The following DTHD1 variants were observed in gnomAD, a reference collection of about 807,000 sequenced individuals.
DTHD1 encodes the protein death domain containing 1.
A neutral mutation model predicts 74.8 loss-of-function variants in DTHD1; 59 were observed. That is an observed-to-expected ratio of 0.79 (90% CI 0.64 to 0.98). DTHD1 has a LOEUF of 0.98. Among genes scored for constraint, DTHD1 ranks in the 50% least tolerant of loss-of-function variants. DTHD1 has a pLI of 0.00. For missense variants in DTHD1, 1,051 were observed against 1,065.4 expected (o/e 0.99, Z 0.19); for synonymous variants, 365 against 371.1 (o/e 0.98, Z 0.19).
intron 8 of DTHD1, among the ~76,000 whole-genome samples, chr4:36,328,758 C>T (rs1176610753): frequency 6.6e-6 from 1 of 152,222 alleles, no homozygotes; most frequent in Non-Finnish European, 1.5e-5. Flanking sequence ...ACTATTGCTA[C>T]ACCCAATAAA....
intron 6 of DTHD1, 26 bp downstream of exon 6, chr4:36,306,378 T>G (rs1476591566): frequency 1.3e-6 from 2 of 1,514,340 alleles, no homozygotes; most frequent in African/African-American, 1.4e-5. Flanking sequence ...ACAATCAAAG[T>G]TGATGATACT....
chr4:36,292,774 C>T (rs1173816449), intron 3 of DTHD1, among the ~76,000 whole-genome samples: 1 of 152,208 alleles, frequency 6.6e-6, no homozygotes, highest in Non-Finnish European at 1.5e-5. Flanking sequence ...AGCCCGGCTG[C>T]TGATTGGGGA....
At chr4:36,315,075 C>A (rs943751046) in intron 7 of DTHD1, among the ~76,000 whole-genome samples, 1 of 152,140 alleles carries the variant, frequency 6.6e-6, no homozygotes, top group Non-Finnish European at 1.5e-5. Context: ...ATCTATACAT[C>A]CAAGACATAT....
chr4:36,308,128 T>G, intron 6 of DTHD1, 76 bp from the exon 7 acceptor site: 1 of 1,342,046 alleles, frequency 7.5e-7, no homozygotes, highest in Non-Finnish European at 1.0e-6. Context: ...GACTCTTTTC[T>G]TGGGTGTTAT....
chr4:36,288,666 G>A (rs991581062), intron 2 of DTHD1, among the ~76,000 whole-genome samples: 1 of 152,142 alleles, frequency 6.6e-6, no homozygotes, highest in Non-Finnish European at 1.5e-5. Context: ...ACTGGTCTAT[G>A]TGTCTATTTG....
At chr4:36,309,279 T>G (rs1757241443) in intron 7 of DTHD1, among the ~76,000 whole-genome samples, 1 of 152,004 alleles carries the variant, frequency 6.6e-6, no homozygotes, top group African/African-American at 2.4e-5. Context: ...CTATTCAAAA[T>G]ACACACAACA....
At chr4:36,297,842 G>T (rs1012014931) in intron 5 of DTHD1, among the ~76,000 whole-genome samples, 1 of 152,092 alleles carries the variant, frequency 6.6e-6, no homozygotes, top group African/African-American at 2.4e-5. Flanking sequence ...TGAAGAAAGA[G>T]AATTCTTGCT....
At position 36,308,304 on chromosome 4, in the gene DTHD1, G is replaced by C. The variant is rs1757175669; in HGVS notation, c.1906G>C (p.Val636Leu). The C allele has an allele frequency of 6.4e-7, 1 of 1,552,050 alleles. No homozygotes were observed. Among genetic ancestry groups the C allele is most frequent in the Admixed American group, 2.0e-5 (1 of 51,006 alleles). The change falls in exon 7 of 10, where the codon GTA (valine) becomes CTA (leucine). Residue 636 changes from valine (V) to leucine (L), a missense_variant. By Grantham distance (32) the Val-to-Leu change is conservative (BLOSUM62 1). Coordinates refer to ENST00000639862, the MANE Select transcript of DTHD1 (RefSeq NM_001170700.3). Reference sequence around the variant, plus strand: ...CATGCTCAGCACCACTGCCTGCATAGTACTGTCTCACCAGAAGGACAATCC... The same window carrying C: ...CATGCTCAGCACCACTGCCTGCATACTACTGTCTCACCAGAAGGACAATCC... ...EAMLSTTACI[V>L]LSHQKDNPHR...
intron 5 of DTHD1, among the ~76,000 whole-genome samples, chr4:36,301,460 A>G (rs1006948239): frequency 2.6e-5 from 4 of 152,158 alleles, no homozygotes; most frequent in African/African-American, 9.7e-5. Flanking sequence ...TGGAAAAAAA[A>G]TGATCATTAA....
chr4:36,288,947 T>C (rs937449613), intron 2 of DTHD1, among the ~76,000 whole-genome samples: 1 of 152,186 alleles, frequency 6.6e-6, no homozygotes, highest in African/African-American at 2.4e-5. Context: ...CACCAAAGAA[T>C]ACTCAAGCAG....
intron 9 of DTHD1, among the ~76,000 whole-genome samples, chr4:36,340,327 A>G (rs1233108727): frequency 6.6e-6 from 1 of 152,252 alleles, no homozygotes; most frequent in African/African-American, 2.4e-5. Context: ...AGGTGAACCA[A>G]AACTGACAGC....
chr4:36,338,590 G>GA (rs1260102065), intron 8 of DTHD1, among the ~76,000 whole-genome samples: 3 of 151,220 alleles, frequency 2.0e-5, no homozygotes, highest in Non-Finnish European at 4.4e-5. Context: ...TATTACCTGA[G>GA]AAAAAACTGT....
intron 2 of DTHD1, among the ~76,000 whole-genome samples, chr4:36,287,181 T>C (rs2109444668): frequency 6.6e-6 from 1 of 152,280 alleles, no homozygotes; most frequent in South Asian, 2.1e-4. Context: ...TTTTATGCCT[T>C]TGCATCCTCA....
At chr4:36,318,000 A>C (rs1474795939) in intron 8 of DTHD1, among the ~76,000 whole-genome samples, 1 of 152,230 alleles carries the variant, frequency 6.6e-6, no homozygotes, top group Non-Finnish European at 1.5e-5. Flanking sequence ...AAGTTGTGTA[A>C]TAACCATTGT....
At chr4:36,282,928 A>T (rs1251386508) in intron 1 of DTHD1, among the ~76,000 whole-genome samples, 2 of 152,178 alleles carry the variant, frequency 1.3e-5, no homozygotes, top group African/African-American at 4.8e-5. Context: ...GCAAATATAT[A>T]TTCAGAAAAA....
At chr4:36,316,204 T>C in intron 7 of DTHD1, 38 bp from the exon 8 acceptor site, 1 of 1,536,380 alleles carries the variant, frequency 6.5e-7, no homozygotes, top group Non-Finnish European at 8.8e-7. Context: ...CAAAGTGAGA[T>C]AACTTAATGG....
intron 7 of DTHD1, among the ~76,000 whole-genome samples, chr4:36,314,069 G>GTTTTTTTTT (rs375245524): frequency 5.0e-5 from 7 of 138,992 alleles, no homozygotes; most frequent in South Asian, 2.3e-4. Context: ...CTAGGAATCT[G>GTTTTTTTTT]TTTTTTTTTT....
intron 3 of DTHD1, 92 bp downstream of exon 3, chr4:36,290,795 C>A: frequency 1.0e-6 from 1 of 997,444 alleles, no homozygotes; most frequent in Non-Finnish European, 1.4e-6. Flanking sequence ...GATATAATTG[C>A]TCCACTAGTA....
intron 9 of DTHD1, among the ~76,000 whole-genome samples, chr4:36,341,702 T>A (rs1396010478): frequency 6.6e-6 from 1 of 152,146 alleles, no homozygotes; most frequent in African/African-American, 2.4e-5. Flanking sequence ...AAGATTCAGA[T>A]TGACAAACTG....
Sources: gnomAD v4.1 joint callset for allele counts (sites outside exome capture counted in the v4.1 genomes callset) on GRCh38, gnomAD v4.1.1 for gene constraint, MANE v1.5 for transcripts, NCBI Gene and HGNC (gene_info 2026-07-23, HGNC 2026-07-21) for gene names.